Variants in DLG2 observed in about 807,000 individuals in gnomAD.
The protein encoded by DLG2 is discs large MAGUK scaffold protein 2.
DLG2 carries 45 observed loss-of-function variants against 132.5 expected under a neutral mutation model. The observed-to-expected ratio is 0.34, with a 90% CI of 0.27 to 0.44. DLG2 has a LOEUF of 0.44. DLG2 is among the 20% of genes least tolerant of loss of function. DLG2 has a pLI of 1.00. For synonymous variants in DLG2, 424 were observed against 419.6 expected (o/e 1.01, Z -0.13); for missense variants, 1,045 against 1,196.9 (o/e 0.87, Z 1.87).
chr11:84,949,657 T>C (rs1306033822), intron 6 of DLG2, among the ~76,000 whole-genome samples: 1 of 152,216 alleles, frequency 6.6e-6, no homozygotes, highest in African/African-American at 2.4e-5. Context: ...TATGGCTCTG[T>C]TCTGCCTGGC....
chr11:84,047,379 G>A (rs543482966), intron 11 of DLG2, among the ~76,000 whole-genome samples: 1 of 151,678 alleles, frequency 6.6e-6, no homozygotes, highest in Admixed American at 6.6e-5. Context: ...GCTTATTTAA[G>A]TTAAGCAAGG....
intron 8 of DLG2, among the ~76,000 whole-genome samples, chr11:84,242,185 C>T (rs1159149557): frequency 6.6e-6 from 1 of 152,104 alleles, no homozygotes; most frequent in Non-Finnish European, 1.5e-5. Context: ...GTTTTATTTT[C>T]CCGTTGGCTC....
chr11:84,852,427 C>T (rs967880688), intron 6 of DLG2, among the ~76,000 whole-genome samples: 4 of 152,010 alleles, frequency 2.6e-5, no homozygotes, highest in Non-Finnish European at 4.4e-5. Flanking sequence ...CCTATTGATA[C>T]TTGCCTCTGT....
At chr11:85,115,271 C>G (rs1400379403) in intron 5 of DLG2, among the ~76,000 whole-genome samples, 1 of 151,882 alleles carries the variant, frequency 6.6e-6, no homozygotes, top group East Asian at 1.9e-4. Flanking sequence ...AAGCCCCCAA[C>G]CTTTTAGGAG....
At chr11:83,695,724 G>A (rs988153663) in intron 18 of DLG2, among the ~76,000 whole-genome samples, 5 of 152,092 alleles carry the variant, frequency 3.3e-5, no homozygotes, top group African/African-American at 1.2e-4. Context: ...GGGTGACAGA[G>A]TGAGACTCCA....
chr11:85,339,257 T>A (rs752895633), intron 3 of DLG2, among the ~76,000 whole-genome samples: 1 of 152,238 alleles, frequency 6.6e-6, no homozygotes, highest in Non-Finnish European at 1.5e-5. Flanking sequence ...GTTGCTCTCC[T>A]ACATATGAAC....
At chr11:84,007,207 G>A (rs1012795694) in intron 11 of DLG2, among the ~76,000 whole-genome samples, 1 of 151,586 alleles carries the variant, frequency 6.6e-6, no homozygotes, top group Admixed American at 6.6e-5. Flanking sequence ...AAACAACAGA[G>A]GGCTTACTCA....
rs548437084 is a variant in DLG2 at position 84,162,724 on chromosome 11, T to C, written c.624+737A>G. Among the ~76,000 whole-genome samples the C allele has an allele frequency of 3.3e-5, 5 of 152,290 alleles. No homozygotes were observed. In the East Asian group the frequency reaches 9.6e-4, roughly 29 times the overall value. ...CTCTCACTGGCATTGAATATTCACA[T>C]TCCTTTTAAGTTTCTGTCAATTGGA... On this transcript the variant is annotated intron_variant, in intron 9 of 27. Transcript: ENST00000376104.
At chr11:84,679,712 C>T (rs2099723932) in intron 6 of DLG2, among the ~76,000 whole-genome samples, 1 of 152,098 alleles carries the variant, frequency 6.6e-6, no homozygotes, top group African/African-American at 2.4e-5. Flanking sequence ...AGTCTTCACA[C>T]TTCGTCTATG....
At chr11:84,048,517 T>G (rs2154116679) in intron 11 of DLG2, among the ~76,000 whole-genome samples, 2 of 151,834 alleles carry the variant, frequency 1.3e-5, no homozygotes, top group South Asian at 2.1e-4. Context: ...CACTAGGAAC[T>G]TGATCCCAGG....
intron 3 of DLG2, among the ~76,000 whole-genome samples, chr11:85,403,554 T>C (rs1263434535): frequency 6.6e-6 from 1 of 151,714 alleles, no homozygotes; most frequent in Non-Finnish European, 1.5e-5. Context: ...AGAAGTCAGG[T>C]ATAGAGGCAC....
chr11:85,128,342 T>C (rs2075362507), intron 5 of DLG2, among the ~76,000 whole-genome samples: 1 of 152,060 alleles, frequency 6.6e-6, no homozygotes, highest in Admixed American at 6.6e-5. Flanking sequence ...TCAGAGAAAA[T>C]ATAGAATAAT....
Position 85,229,188 on chromosome 11 carries a change from AT to A in DLG2, c.186+56031del, listed in dbSNP as rs35465445. Among the ~76,000 whole-genome samples the A allele has an allele frequency of 3.6e-3, 535 of 149,040 alleles. 5 individuals carry two copies. The highest frequency in any genetic ancestry group is 0.013 in the African/African-American group (524 of 40,828). On this transcript the variant is annotated intron_variant, in intron 4 of 27. Transcript: ENST00000376104. Reference sequence around the variant, plus strand: ...ATATCCTATAGATCAACAACACAGTATTTTTTTTTTACTTTAAAGAGTCAGC... The same window carrying A: ...ATATCCTATAGATCAACAACACAGTATTTTTTTTTACTTTAAAGAGTCAGC...
At chr11:85,580,468 T>A (rs1250995520) in intron 3 of DLG2, among the ~76,000 whole-genome samples, 1 of 152,140 alleles carries the variant, frequency 6.6e-6, no homozygotes, top group Non-Finnish European at 1.5e-5. Flanking sequence ...TAAAGGGAGA[T>A]GATAGATGAA....
chr11:85,451,206 C>T (rs1331542602), intron 3 of DLG2, among the ~76,000 whole-genome samples: 1 of 152,178 alleles, frequency 6.6e-6, no homozygotes, highest in East Asian at 1.9e-4. Context: ...GCCTTGATAA[C>T]TTCTTCAACT....
At chr11:83,718,532 G>GAAAAAAAAAAAAAAAAAAAAAAAAA (rs57237354) in intron 18 of DLG2, among the ~76,000 whole-genome samples, 4 of 106,278 alleles carry the variant, frequency 3.8e-5, no homozygotes, top group African/African-American at 7.3e-5. Context: ...CTCAAAAAAA[G>GAAAAAAAAAAAAAAAAAAAAAAAAA]AAAAAAAAAA....
rs184026584 is a variant in DLG2, at chr11:84,855,041, G to A, written c.357+256620C>T. On this transcript the variant is annotated intron_variant, in intron 6 of 27. Transcript: ENST00000376104. ...GGTTGACAGATTCAAATGGAGGACA[G>A]GAAGCCTTGTAGTTCCATGGTTGTG... 2.1e-3 allele frequency among the ~76,000 whole-genome samples: 317 copies of A among 152,130 alleles called. 3 individuals are homozygous for A. Among genetic ancestry groups the A allele is most frequent in the Admixed American group, 4.6e-3 (70 of 15,242 alleles).
chr11:85,394,706 C>G (rs1565426230), intron 3 of DLG2, among the ~76,000 whole-genome samples: 1 of 152,144 alleles, frequency 6.6e-6, no homozygotes, highest in Admixed American at 6.6e-5. Context: ...GGCAATTTCC[C>G]TATTCTCACA....
At chr11:83,743,990 G>A (rs1054891387) in intron 18 of DLG2, among the ~76,000 whole-genome samples, 4 of 152,108 alleles carry the variant, frequency 2.6e-5, no homozygotes, top group African/African-American at 9.7e-5. Flanking sequence ...ACATTTCTCA[G>A]ACTCCCTTGC....
Sources: allele counts gnomAD v4.1 joint callset (sites outside exome capture counted in the v4.1 genomes callset), GRCh38; gene constraint gnomAD v4.1.1; transcripts MANE v1.5; gene names NCBI Gene and HGNC (gene_info 2026-07-23, HGNC 2026-07-21).